The following ITGA1 variants were observed in gnomAD, a reference collection of about 807,000 sequenced individuals.
The protein encoded by ITGA1 is integrin alpha-1.
A neutral mutation model predicts 145.9 loss-of-function variants in ITGA1; 85 were observed. The ratio of observed to expected loss-of-function variants is 0.58; its 90% confidence interval spans 0.49 to 0.70. The LOEUF (loss-of-function observed/expected upper bound fraction) is 0.70, where lower values mean the gene tolerates loss of function less well. ITGA1 is among the 30% of genes least tolerant of loss of function. The pLI, the probability that ITGA1 is intolerant of heterozygous loss-of-function variation, is 0.00. For missense variants in ITGA1, 1,351 were observed against 1,418.7 expected (o/e 0.95, Z 0.77); for synonymous variants, 520 against 495.3 (o/e 1.05, Z -0.66).
chr5:52,942,290 T>G (rs748984364), intron 26 of ITGA1, among the ~76,000 whole-genome samples: 1 of 152,190 alleles, frequency 6.6e-6, no homozygotes, highest in Non-Finnish European at 1.5e-5. Flanking sequence ...AATTTTAGAA[T>G]AGTTTTTTCT....
intron 1 of ITGA1, among the ~76,000 whole-genome samples, chr5:52,839,043 G>A (rs1408170662): frequency 6.6e-6 from 1 of 152,168 alleles, no homozygotes. Flanking sequence ...GCTGCAGTGA[G>A]CCATGATTGC....
intron 6 of ITGA1, among the ~76,000 whole-genome samples, chr5:52,872,871 C>T (rs1186222856): frequency 6.6e-6 from 1 of 152,066 alleles, no homozygotes; most frequent in Non-Finnish European, 1.5e-5. Context: ...AGAAAAATGC[C>T]TTCCTCTCCT....
rs144169579 is a variant in ITGA1 at position 52,811,849 on chromosome 5, A to C, written c.61+23435A>C. 2.0e-3 allele frequency among the ~76,000 whole-genome samples: 306 copies of C among 152,302 alleles called. 7 individuals carry two copies. Among genetic ancestry groups the C allele is most frequent in the Admixed American group, 0.014 (220 of 15,304 alleles). ...AAAACAGGTCTTAATTTTTACTGGA[A>C]TGCTCTTTCCATTTGGCTAGAGGTT... On this transcript the variant is annotated intron_variant, in intron 1 of 28. Coordinates refer to ENST00000282588, the MANE Select transcript of ITGA1 (RefSeq NM_181501.2).
chr5:52,895,531 A>T (rs1176028743), intron 9 of ITGA1, among the ~76,000 whole-genome samples: 1 of 152,212 alleles, frequency 6.6e-6, no homozygotes, highest in Non-Finnish European at 1.5e-5. Flanking sequence ...TTTAAAAGAA[A>T]AGTTACATAG....
chr5:52,891,565 A>C (rs1264678095), intron 8 of ITGA1, among the ~76,000 whole-genome samples: 1 of 151,278 alleles, frequency 6.6e-6, no homozygotes, highest in Non-Finnish European at 1.5e-5. Flanking sequence ...TAAAAAAAAA[A>C]AAAAAAAAAA....
chr5:52,926,712 C>G (rs916684216), intron 19 of ITGA1, among the ~76,000 whole-genome samples: 8 of 151,934 alleles, frequency 5.3e-5, no homozygotes, highest in Non-Finnish European at 8.8e-5. Flanking sequence ...TGCCTGTATC[C>G]TCCTATGCTG....
intron 1 of ITGA1, chr5:52,801,766 G>T: frequency 6.2e-7 from 1 of 1,614,056 alleles, no homozygotes; most frequent in Non-Finnish European, 8.5e-7. Flanking sequence ...GTTGACTGGG[G>T]TAGCTGCCAT....
chr5:52,919,956 TAATC>T (rs1750707007), intron 16 of ITGA1, among the ~76,000 whole-genome samples: 1 of 152,142 alleles, frequency 6.6e-6, no homozygotes, highest in African/African-American at 2.4e-5. Flanking sequence ...AAATATAACA[TAATC>T]AATATTCTAA....
At chr5:52,884,752 A>G (rs553454293) in intron 7 of ITGA1, among the ~76,000 whole-genome samples, 1 of 152,280 alleles carries the variant, frequency 6.6e-6, no homozygotes, top group African/African-American at 2.4e-5. Flanking sequence ...TTCTCTTTCT[A>G]TATTCTAAAC....
intron 9 of ITGA1, among the ~76,000 whole-genome samples, chr5:52,895,406 A>G (rs911146476): frequency 6.6e-6 from 1 of 152,194 alleles, no homozygotes; most frequent in African/African-American, 2.4e-5. Flanking sequence ...CCAATAAACC[A>G]GATTATGAGC....
intron 1 of ITGA1, among the ~76,000 whole-genome samples, chr5:52,817,391 G>A (rs1486210760): frequency 6.6e-6 from 1 of 152,104 alleles, no homozygotes; most frequent in Non-Finnish European, 1.5e-5. Context: ...CTTTCTGTAA[G>A]TAATTGGCAC....
chr5:52,814,876 A>G (rs889295), intron 1 of ITGA1, among the ~76,000 whole-genome samples: 86,578 of 151,986 alleles, frequency 0.57, 25,171 homozygotes, highest in African/African-American at 0.66. Context: ...ATGCATCACG[A>G]AAGTACGGAA....
rs1032285809 is a variant in ITGA1 at position 52,919,380 on chromosome 5, T to C, written c.2155+482T>C. 3.3e-5 allele frequency among the ~76,000 whole-genome samples: 5 copies of C among 152,182 alleles called. 1 individual carries two copies. The highest frequency in any genetic ancestry group is 1.2e-4 in the African/African-American group (5 of 41,452). On this transcript the variant is annotated intron_variant, in intron 16 of 28. Coordinates refer to ENST00000282588, the MANE Select transcript of ITGA1 (RefSeq NM_181501.2). ...CTTTGTTCCATTGAGGTGACCCTAG[T>C]TTCCGAGAGTCAGACTTGTTCTGTG...
intron 11 of ITGA1, 138 bp from the exon 12 acceptor site, chr5:52,905,625 G>A (rs1467976694): frequency 6.0e-5 from 38 of 637,836 alleles, no homozygotes; most frequent in Non-Finnish European, 8.3e-5. Flanking sequence ...AAATTCTTAC[G>A]TGCATTGAAG....
At chr5:52,832,309 T>C (rs1167287761) in intron 1 of ITGA1, among the ~76,000 whole-genome samples, 1 of 152,182 alleles carries the variant, frequency 6.6e-6, no homozygotes, top group Non-Finnish European at 1.5e-5. Context: ...GGTAACTAGA[T>C]GGCTCATTCA....
At chr5:52,907,755 C>T (rs1219097437) in intron 12 of ITGA1, among the ~76,000 whole-genome samples, 2 of 152,156 alleles carry the variant, frequency 1.3e-5, no homozygotes, top group African/African-American at 2.4e-5. Context: ...GGAACCATGG[C>T]CCTGGGCAGC....
intron 2 of ITGA1, among the ~76,000 whole-genome samples, chr5:52,853,228 AC>A (rs760070570): frequency 1.4e-4 from 21 of 152,320 alleles, no homozygotes; most frequent in Non-Finnish European, 2.9e-4. Flanking sequence ...AAATTTCCAA[AC>A]TTTTAAGGAT....
At chr5:52,900,029 A>T (rs991247989) in intron 11 of ITGA1, among the ~76,000 whole-genome samples, 5 of 152,204 alleles carry the variant, frequency 3.3e-5, no homozygotes, top group Admixed American at 3.3e-4. Context: ...TATAGGGAAT[A>T]AAAAGATAGA....
chr5:52,911,224 A>G (rs1302476064), intron 14 of ITGA1, among the ~76,000 whole-genome samples: 3 of 136,194 alleles, frequency 2.2e-5, no homozygotes, highest in Non-Finnish European at 3.1e-5. Flanking sequence ...GTGTATATAT[A>G]GTATATGTAG....
Sources: allele counts gnomAD v4.1 joint callset (sites outside exome capture counted in the v4.1 genomes callset), GRCh38; gene constraint gnomAD v4.1.1; transcripts MANE v1.5; gene names NCBI Gene and HGNC (gene_info 2026-07-23, HGNC 2026-07-21).